The following PCDH15 variants were observed in gnomAD, a reference collection of about 807,000 sequenced individuals.
PCDH15 encodes protocadherin related 15.
A neutral mutation model predicts 178.5 loss-of-function variants in PCDH15; 129 were observed. The observed-to-expected ratio is 0.72, with a 90% confidence interval of 0.63 to 0.84. PCDH15 has a LOEUF of 0.84. PCDH15 is among the 40% of genes least tolerant of loss of function. The pLI is 0.00. For missense variants in PCDH15, 2,230 were observed against 2,099.9 expected, an observed-to-expected ratio of 1.06 and a Z score of -1.21; for synonymous variants, 800 against 732.0, an observed-to-expected ratio of 1.09 and a Z score of -1.50.
At chr10:53,826,705 C>G (rs1161009032) in intron 32 of PCDH15, among the ~76,000 whole-genome samples, 3 of 152,024 alleles carry the variant, frequency 2.0e-5, no homozygotes, top group Non-Finnish European at 2.9e-5. Context: ...TTACCAGTGT[C>G]TTTCAAAAAT....
chr10:54,434,983 T>C (rs2136055242), intron 3 of PCDH15, among the ~76,000 whole-genome samples: 1 of 152,306 alleles, frequency 6.6e-6, no homozygotes, highest in Non-Finnish European at 1.5e-5. Flanking sequence ...AATAAGAGCA[T>C]TGAAACTAGG....
chr10:55,394,219 C>A (rs1837868555), intron 2 of PCDH15, among the ~76,000 whole-genome samples: 1 of 20,374 alleles, frequency 4.9e-5, no homozygotes, highest in Non-Finnish European at 8.0e-5. Flanking sequence ...ACAACTATAA[C>A]ACTATTTTTT....
In PCDH15 at chr10:54,023,211, CA is replaced by C. The variant is rs748865551; in HGVS notation, c.2221-15del. On this transcript the variant is annotated splice_polypyrimidine_tract_variant and intron_variant, in intron 18 of 37. Transcript: ENST00000644397. ...AGGGTCTGTTGCCTATTAAATAAAA[CA>C]AAAAAACAAAAAAATTCACGTAAGT... 2.5e-6 allele frequency: 4 copies of C among 1,606,956 alleles called. No individual in the cohort carries two copies. The highest frequency in any genetic ancestry group is 2.2e-5 in the East Asian group (1 of 44,778).
At chr10:54,193,116 T>C (rs2049199870) in intron 11 of PCDH15, among the ~76,000 whole-genome samples, 1 of 152,186 alleles carries the variant, frequency 6.6e-6, no homozygotes, top group African/African-American at 2.4e-5. Context: ...AGAGTTGAAT[T>C]ATAAGTAGTG....
chr10:53,953,167 A>G (rs986704067), intron 23 of PCDH15, among the ~76,000 whole-genome samples: 5 of 152,278 alleles, frequency 3.3e-5, no homozygotes, highest in Admixed American at 1.3e-4. Context: ...CAAATGCTCC[A>G]GACAGGTCGC....
At chr10:54,664,374 G>T in intron 1 of PCDH15, 84 bp from the exon 2 acceptor site, 2 of 867,662 alleles carry the variant, frequency 2.3e-6, no homozygotes, top group Non-Finnish European at 1.9e-6. Flanking sequence ...GCACAGAAAA[G>T]CCTTAATGAC....
rs564328747 is a variant in PCDH15 at position 54,537,946 on chromosome 10, AT to A, written c.92-10070del. 2.8e-3 allele frequency among the ~76,000 whole-genome samples: 425 copies of A among 152,046 alleles called. 2 individuals carry two copies. The highest frequency in any genetic ancestry group is 4.6e-3 in the South Asian group (22 of 4,824). On this transcript the variant is annotated intron_variant, in intron 2 of 37. Transcript: ENST00000644397. Reference sequence around the variant, plus strand: ...AGAAGTCTGTTCATGTCTTTTGCCAATTTTTCAATGTGGTTATTTGGTTTAT... The same window carrying A: ...AGAAGTCTGTTCATGTCTTTTGCCAATTTTCAATGTGGTTATTTGGTTTAT...
chr10:54,587,634 T>G (rs987276754), intron 2 of PCDH15, among the ~76,000 whole-genome samples: 3 of 152,144 alleles, frequency 2.0e-5, no homozygotes, highest in Non-Finnish European at 1.5e-5. Flanking sequence ...AATTTAAGAT[T>G]ATGACAATTT....
chr10:55,561,523 A>G (rs976162846), intron 2 of PCDH15, among the ~76,000 whole-genome samples: 18 of 151,886 alleles, frequency 1.2e-4, no homozygotes, highest in African/African-American at 4.1e-4. Flanking sequence ...TAGTCTTTGA[A>G]AGAGTACAAT....
At chr10:54,174,506 A>G (rs999081221) in intron 13 of PCDH15, among the ~76,000 whole-genome samples, 2 of 151,898 alleles carry the variant, frequency 1.3e-5, no homozygotes, top group Admixed American at 6.6e-5. Context: ...CTGCACTCCA[A>G]CCTGGGCGAC....
chr10:54,447,464 A>T (rs187228591), intron 3 of PCDH15, among the ~76,000 whole-genome samples: 68 of 151,706 alleles, frequency 4.5e-4, no homozygotes, highest in South Asian at 3.1e-3. Context: ...TAAACTCTAC[A>T]TATAAGTGAG....
intron 2 of PCDH15, among the ~76,000 whole-genome samples, chr10:55,503,185 A>G (rs1840691904): frequency 6.6e-6 from 1 of 151,248 alleles, no homozygotes; most frequent in Non-Finnish European, 1.5e-5. Flanking sequence ...GAGTGGGACT[A>G]TCTGAATTCT....
intron 3 of PCDH15, among the ~76,000 whole-genome samples, chr10:54,519,028 C>T (rs1438299925): frequency 2.6e-5 from 4 of 152,196 alleles, no homozygotes; most frequent in African/African-American, 9.7e-5. Flanking sequence ...ATGCTAAAAA[C>T]TCTCAATAAA....
At chr10:54,498,404 C>A (rs772429104) in intron 3 of PCDH15, among the ~76,000 whole-genome samples, 5 of 152,132 alleles carry the variant, frequency 3.3e-5, no homozygotes, top group Admixed American at 6.6e-5. Context: ...ATTCACTCTA[C>A]ATTAATAAAC....
At chr10:53,980,963 T>C (rs1410376206) in intron 21 of PCDH15, among the ~76,000 whole-genome samples, 1 of 152,180 alleles carries the variant, frequency 6.6e-6, no homozygotes, top group Non-Finnish European at 1.5e-5. Flanking sequence ...TAACAAATGA[T>C]ATCAGCTTTG....
intron 2 of PCDH15, among the ~76,000 whole-genome samples, chr10:55,446,629 T>C (rs77231532): frequency 6.6e-6 from 1 of 152,128 alleles, no homozygotes; most frequent in South Asian, 2.1e-4. Context: ...TGCGATGGTC[T>C]CATCATGGGT....
chr10:54,379,356 A>C (rs1948892007), intron 3 of PCDH15, among the ~76,000 whole-genome samples: 2 of 152,230 alleles, frequency 1.3e-5, no homozygotes, highest in Non-Finnish European at 2.9e-5. Flanking sequence ...TGTGAAACTA[A>C]GAAAGGAAGA....
chr10:53,888,336 G>GTACATATATATACGTATATATACATATA (rs1564691380), intron 26 of PCDH15, among the ~76,000 whole-genome samples: 8 of 65,732 alleles, frequency 1.2e-4, no homozygotes, highest in East Asian at 1.5e-3. Context: ...ATATATGTAC[G>GTACATATATATACGTATATATACATATA]TATATATATA....
intron 3 of PCDH15, among the ~76,000 whole-genome samples, chr10:54,423,218 C>A (rs988992509): frequency 1.3e-5 from 2 of 152,086 alleles, no homozygotes; most frequent in African/African-American, 2.4e-5. Flanking sequence ...GCTCCCCCTG[C>A]CAGCAGATCA....
Sources: gnomAD v4.1 joint callset for allele counts (sites outside exome capture counted in the v4.1 genomes callset) on GRCh38, gnomAD v4.1.1 for gene constraint, MANE v1.5 for transcripts, NCBI Gene and HGNC (gene_info 2026-07-23, HGNC 2026-07-21) for gene names.